The following LPGAT1 variants were observed in gnomAD, a reference collection of about 807,000 sequenced individuals.
LPGAT1 encodes lysophosphatidylglycerol acyltransferase 1.
In LPGAT1, 11 loss-of-function variants were observed where a neutral mutation model predicts 47.5. That is an observed-to-expected ratio of 0.23 (90% CI 0.15 to 0.38). The LOEUF is 0.38. Ranked by LOEUF, LPGAT1 falls within the 10% of genes least tolerant of loss-of-function variation. The pLI, the probability that LPGAT1 is intolerant of heterozygous loss-of-function variation, is 1.00. For missense variants in LPGAT1, 293 were observed against 439.0 expected, an observed-to-expected ratio of 0.67 and a Z score of 2.97; for synonymous variants, 138 against 144.2, an observed-to-expected ratio of 0.96 and a Z score of 0.31.
Position 211,759,435 on chromosome 1 carries a change from T to C in LPGAT1, c.855-8368A>G, listed in dbSNP as rs1243484836. Among the ~76,000 whole-genome samples the C allele has an allele frequency of 2.0e-5, 3 of 152,206 alleles. No homozygotes were observed. In the East Asian group the frequency reaches 5.8e-4, roughly 29 times the overall value. On this transcript the variant is annotated intron_variant, in intron 6 of 7. Transcript: ENST00000366997. ...TGTAGTGATATCCCCCTTTTCATTC[T>C]TGATATTGGTAATGTAGTTAACAGT...
At chr1:211,780,382 C>A (rs748690673) in intron 5 of LPGAT1, among the ~76,000 whole-genome samples, 2 of 152,046 alleles carry the variant, frequency 1.3e-5, no homozygotes, top group Admixed American at 6.5e-5. Context: ...GCATGGGGTA[C>A]AAAGGTGAGC....
intron 2 of LPGAT1, among the ~76,000 whole-genome samples, chr1:211,802,350 G>A (rs1245833667): frequency 6.6e-6 from 1 of 151,752 alleles, no homozygotes; most frequent in Non-Finnish European, 1.5e-5. Flanking sequence ...ATGTATTGCC[G>A]GAGACCTGAA....
At chr1:211,779,708 C>T (rs1324351395) in intron 5 of LPGAT1, among the ~76,000 whole-genome samples, 1 of 151,754 alleles carries the variant, frequency 6.6e-6, no homozygotes, top group African/African-American at 2.4e-5. Flanking sequence ...AAAAATTAGC[C>T]GGGTATGGTG....
chr1:211,808,270 G>A (rs1447115001), intron 2 of LPGAT1, among the ~76,000 whole-genome samples: 2 of 151,068 alleles, frequency 1.3e-5, no homozygotes, highest in Admixed American at 6.6e-5. Flanking sequence ...ACTTGAACCC[G>A]GGCAGGGTTG....
At position 211,745,191 on chromosome 1, in the gene LPGAT1, A is replaced by C. The variant is rs368728445; in HGVS notation, c.*4708T>G. ...ATTAATTACAGTTGCCACAGCCTTT[A>C]CATTCATTCTTATCACACGTTACAA... is the stretch of plus-strand genomic sequence containing the variant. On this transcript the variant is annotated 3_prime_UTR_variant, in exon 8 of 8. Transcript: ENST00000366997. 4 of 152,658 alleles carry C rather than the reference A, an allele frequency of 2.6e-5. No individual in the cohort carries two copies. In the East Asian group the frequency reaches 5.8e-4, roughly 22 times the overall value. 9.5% of individuals were successfully genotyped at this position (152,658 alleles called of 1,614,324 possible).
intron 6 of LPGAT1, among the ~76,000 whole-genome samples, chr1:211,767,217 C>A (rs1438091407): frequency 6.6e-6 from 1 of 152,214 alleles, no homozygotes; most frequent in South Asian, 2.1e-4. Flanking sequence ...TGGCTCACTG[C>A]AACCTCTGCC....
chr1:211,759,001 T>C (rs1259104120), intron 6 of LPGAT1, among the ~76,000 whole-genome samples: 1 of 152,224 alleles, frequency 6.6e-6, no homozygotes, highest in African/African-American at 2.4e-5. Context: ...TGAACTACTT[T>C]GATTGATTTG....
At position 211,772,407 on chromosome 1, in the gene LPGAT1, T is replaced by C. The variant is rs114245700; in HGVS notation, c.854+6511A>G. Among the ~76,000 whole-genome samples, 375 of 152,338 alleles carry C rather than the reference T, an allele frequency of 2.5e-3. 3 individuals carry two copies. Among genetic ancestry groups the C allele is most frequent in the African/African-American group, 8.3e-3 (345 of 41,576 alleles). ...AAACTATCTTAGCTATTCATTTATCTTGACTCTCTCAAATGAATTTTAGAA... is the reference window on the plus strand; with the variant it reads ...AAACTATCTTAGCTATTCATTTATCCTGACTCTCTCAAATGAATTTTAGAA... On this transcript the variant is annotated intron_variant, in intron 6 of 7. Transcript: ENST00000366997.
rs896147518 is a variant in LPGAT1, at chr1:211,748,691, A to T, written c.*1208T>A. ...CAGAGTAAGACCTGTCTAAAAAAAA[A>T]AGAAAAAAGAAAAAGCAACTGGAAG... On this transcript the variant is annotated 3_prime_UTR_variant, in exon 8 of 8. Coordinates refer to ENST00000366997, the MANE Select transcript of LPGAT1 (RefSeq NM_014873.3). The T allele has an allele frequency of 6.5e-6, 1 of 152,978 alleles. No individual in the cohort carries two copies. Among genetic ancestry groups the T allele is most frequent in the Non-Finnish European group, 1.5e-5 (1 of 68,426 alleles). The allele number at this position is 152,978 out of a possible 1,614,324, so 9.5% of individuals were successfully genotyped here. A position where few individuals can be genotyped will look rare whatever the true frequency, so the allele number is the denominator to read the frequency against.
chr1:211,767,627 C>T (rs1238852444), intron 6 of LPGAT1, among the ~76,000 whole-genome samples: 1 of 152,086 alleles, frequency 6.6e-6, no homozygotes, highest in Admixed American at 6.5e-5. Flanking sequence ...AACATACAGA[C>T]TTCTCTAGGG....
In LPGAT1 at chr1:211,793,201, A is replaced by G. The variant is rs765940210; in HGVS notation, c.239-11T>C. 1 of 1,567,338 alleles carries G rather than the reference A, an allele frequency of 6.4e-7. No homozygotes were observed. Among genetic ancestry groups the G allele is most frequent in the Non-Finnish European group, 8.7e-7 (1 of 1,145,042 alleles). ...CTCCCCATTCCATCACTGTAAGAACAAAAAAGTTTCAAAGCTGTCATTTTA... is the reference window on the plus strand; with the variant it reads ...CTCCCCATTCCATCACTGTAAGAACGAAAAAGTTTCAAAGCTGTCATTTTA... On this transcript the variant is annotated splice_polypyrimidine_tract_variant and intron_variant, in intron 2 of 7. Transcript: ENST00000366997.
Position 211,830,244 on chromosome 1 carries a change from G to T in LPGAT1, c.-28+329C>A. ...GGGGGCGGGTGTCCCCCGCCGAGGGGTCGCGGTCATGGACGCGGTGGCGGC... is the reference window on the plus strand; with the variant it reads ...GGGGGCGGGTGTCCCCCGCCGAGGGTTCGCGGTCATGGACGCGGTGGCGGC... On this transcript the variant is annotated intron_variant, in intron 1 of 7. Coordinates refer to ENST00000366997, the MANE Select transcript of LPGAT1 (RefSeq NM_014873.3). This position sits in a 1 kb window ranked among gnomAD's most constrained non-coding sequence, Gnocchi z 5.9. 1.0e-6 allele frequency: 1 copy of T among 989,656 alleles called. No homozygotes were observed. Among genetic ancestry groups the T allele is most frequent in the African/African-American group, 1.7e-5 (1 of 57,304 alleles). The allele number at this position is 989,656 out of a possible 1,614,324, so 61.3% of individuals were successfully genotyped here.
rs1193693026 is a variant in LPGAT1, at chr1:211,793,188, T to C, written c.241A>G (p.Met81Val). 1 of 1,599,974 alleles carries C rather than the reference T, an allele frequency of 6.3e-7. No homozygotes were observed. The highest frequency in any genetic ancestry group is 8.5e-7 in the Non-Finnish European group (1 of 1,170,092). The change falls in exon 3 of 8, where the codon ATG (methionine) becomes GTG (valine). Residue 81 changes from methionine to valine, a missense_variant and splice_region_variant. Physicochemically the swap from Met to Val is conservative, Grantham distance 21. Coordinates refer to ENST00000366997, the MANE Select transcript of LPGAT1 (RefSeq NM_014873.3). Reference sequence around the variant, plus strand: ...GCTTTAATATCTTCTCCCCATTCCATCACTGTAAGAACAAAAAAGTTTCAA... The same window carrying C: ...GCTTTAATATCTTCTCCCCATTCCACCACTGTAAGAACAAAAAAGTTTCAA... The part of the protein sequence containing the change: ...SWGWYAGYTV[M>V]EWGEDIKAVS...
At chr1:211,783,796 C>T (rs1033319145) in intron 4 of LPGAT1, among the ~76,000 whole-genome samples, 1 of 152,136 alleles carries the variant, frequency 6.6e-6, no homozygotes, top group Non-Finnish European at 1.5e-5. Flanking sequence ...CTGCTATGTG[C>T]CACGCATTGT....
At chr1:211,798,520 T>TA (rs1659439888) in intron 2 of LPGAT1, among the ~76,000 whole-genome samples, 1 of 151,926 alleles carries the variant, frequency 6.6e-6, no homozygotes, top group Admixed American at 6.6e-5. Flanking sequence ...TCTGTCTCTA[T>TA]AAAAAAATTT....
In LPGAT1 at chr1:211,787,717, T is replaced by C; in HGVS notation, c.368A>G (p.Gln123Arg). Residue 123 changes from glutamine to arginine, a missense_variant, in exon 4 of 8, where the codon CAG becomes CGG. By Grantham distance (43) the Gln-to-Arg change is conservative (BLOSUM62 1). Coordinates refer to ENST00000366997, the MANE Select transcript of LPGAT1 (RefSeq NM_014873.3). Reference sequence around the variant, plus strand: ...AATATGATCCATCAACCACATCATCTGAGCAACAACCTAAAATATTTAAAA... The same window carrying C: ...AATATGATCCATCAACCACATCATCCGAGCAACAACCTAAAATATTTAAAA... ...CLQDKGLVVA[Q>R]MMWLMDHIFK... 1.9e-6 allele frequency: 3 copies of C among 1,600,072 alleles called. No individual in the cohort carries two copies. In the South Asian group the frequency reaches 3.4e-5, roughly 18 times the overall value.
intron 5 of LPGAT1, among the ~76,000 whole-genome samples, chr1:211,782,044 G>A (rs1658662517): frequency 1.3e-5 from 2 of 151,982 alleles, no homozygotes; most frequent in Admixed American, 1.3e-4. Context: ...ACATTTTGGT[G>A]TCTTTCCTTT....
In LPGAT1 at chr1:211,829,317, T is replaced by G; in HGVS notation, c.-21A>C. On this transcript the variant is annotated 5_prime_UTR_variant, in exon 2 of 8. Coordinates refer to ENST00000366997, the MANE Select transcript of LPGAT1 (RefSeq NM_014873.3). Reference sequence around the variant, plus strand: ...GCCATTCTCACACTGGACTCCGTCCTGTCTTTCTGGGGTGAAAGAAAAATT... The same window carrying G: ...GCCATTCTCACACTGGACTCCGTCCGGTCTTTCTGGGGTGAAAGAAAAATT... The G allele has an allele frequency of 1.2e-6, 2 of 1,612,970 alleles. No individual in the cohort carries two copies. The highest frequency in any genetic ancestry group is 1.7e-6 in the Non-Finnish European group (2 of 1,179,174).
intron 2 of LPGAT1, among the ~76,000 whole-genome samples, chr1:211,816,382 GCACT>G (rs1227334738): frequency 1.3e-5 from 2 of 152,100 alleles, no homozygotes; most frequent in Admixed American, 1.3e-4. Flanking sequence ...CACAGAGAAG[GCACT>G]CAAATTTTTG....
Sources: allele counts gnomAD v4.1 joint callset (sites outside exome capture counted in the v4.1 genomes callset), GRCh38; gene constraint gnomAD v4.1.1; non-coding constraint Gnocchi (gnomAD v3.1); transcripts MANE v1.5; gene names NCBI Gene and HGNC (gene_info 2026-07-23, HGNC 2026-07-21).